The following FAM204A variants were observed in gnomAD, a reference collection of about 807,000 sequenced individuals.
FAM204A encodes the protein family with sequence similarity 204 member A.
A neutral mutation model predicts 35.4 loss-of-function variants in FAM204A; 16 were observed. The ratio of observed to expected loss-of-function variants is 0.45; its 90% CI spans 0.31 to 0.69. The LOEUF is 0.69. Ranked by LOEUF, FAM204A falls within the 30% of genes least tolerant of loss-of-function variation. The pLI is 0.07. For synonymous variants in FAM204A, 76 were observed against 86.9 expected (o/e 0.88, Z 0.70); for missense variants, 240 against 265.7 (o/e 0.90, Z 0.67).
At position 118,303,985 on chromosome 10, in the gene FAM204A, C is replaced by T. The variant is rs1285241430; in HGVS notation, c.*6872G>A. The T allele has an allele frequency of 6.6e-6, 1 of 152,172 alleles. No homozygotes were observed. The highest frequency in any genetic ancestry group is 2.4e-5 in the African/African-American group (1 of 41,440). 9.4% of individuals were successfully genotyped at this position (152,172 alleles called of 1,614,324 possible). ...TGCATACTTTTACAAATCACCTCCA[C>T]AAGAGATCTGAGGCACTGTTTCTAG... On this transcript the variant is annotated 3_prime_UTR_variant, in exon 9 of 9. Transcript: ENST00000369183.
rs189220858 is a variant in FAM204A, at chr10:118,308,557, A to T, written c.*2300T>A. On this transcript the variant is annotated 3_prime_UTR_variant, in exon 9 of 9. Coordinates refer to ENST00000369183, the MANE Select transcript of FAM204A (RefSeq NM_022063.3). ...CCTCCAACCCCTTCTTCTGCTACAC[A>T]TAACGTTTTAGAGCTTTCCACAACC... 6.6e-6 allele frequency: 1 copy of T among 152,220 alleles called. No homozygotes were observed. Among genetic ancestry groups the T allele is most frequent in the East Asian group, 1.9e-4 (1 of 5,204 alleles). 9.4% of individuals were successfully genotyped at this position (152,220 alleles called of 1,614,324 possible).
At position 118,335,124 on chromosome 10, in the gene FAM204A, T is replaced by G; in HGVS notation, c.443A>C (p.Lys148Thr). 6.2e-7 allele frequency: 1 copy of G among 1,611,346 alleles called. No homozygotes were observed. The highest frequency in any genetic ancestry group is 8.5e-7 in the Non-Finnish European group (1 of 1,178,192). ...TAACAAAGATATTACCTTCTCAACTTTTTTCCTTTTAACAGGCGGGTCAAA... is the reference window on the plus strand; with the variant it reads ...TAACAAAGATATTACCTTCTCAACTGTTTTCCTTTTAACAGGCGGGTCAAA... ...DRFDPPVKRK[K>T]VEKSGLEKRI... Residue 148 changes from lysine to threonine, a missense_variant, in exon 6 of 9, where the codon AAA becomes ACA. Lys to Thr is a moderately conservative substitution (Grantham distance 78). This residue lies in a region of FAM204A where 232 missense variants were observed against 242.8 expected (regional missense o/e 0.96). Transcript: ENST00000369183.
chr10:118,331,523 T>C (rs1248300073), intron 6 of FAM204A, among the ~76,000 whole-genome samples: 1 of 152,206 alleles, frequency 6.6e-6, no homozygotes, highest in Non-Finnish European at 1.5e-5. Context: ...AAGAAATGTA[T>C]GGGTACTTGG....
At chr10:118,340,965 G>A (rs1589733512) in intron 2 of FAM204A, among the ~76,000 whole-genome samples, 8 of 152,312 alleles carry the variant, frequency 5.3e-5, no homozygotes, top group Admixed American at 3.9e-4. Flanking sequence ...AAGGATTTGC[G>A]ACTGGGGCTG....
At chr10:118,321,202 T>C (rs1449365177) in intron 7 of FAM204A, among the ~76,000 whole-genome samples, 1 of 151,738 alleles carries the variant, frequency 6.6e-6, no homozygotes, top group Non-Finnish European at 1.5e-5. Context: ...CACATATACA[T>C]TTAATTCATA....
At chr10:118,321,442 AC>A (rs1846113678) in intron 7 of FAM204A, among the ~76,000 whole-genome samples, 1 of 152,062 alleles carries the variant, frequency 6.6e-6, no homozygotes, top group Non-Finnish European at 1.5e-5. Context: ...TTTTCCACTT[AC>A]ACAGGGCAAA....
chr10:118,324,137 TTA>T (rs1446557825), intron 7 of FAM204A, among the ~76,000 whole-genome samples: 1 of 152,138 alleles, frequency 6.6e-6, no homozygotes, highest in Non-Finnish European at 1.5e-5. Flanking sequence ...TAAAATGCTG[TTA>T]TACACAATGA....
At chr10:118,327,978 A>G (rs1327172033) in intron 6 of FAM204A, among the ~76,000 whole-genome samples, 14 of 152,166 alleles carry the variant, frequency 9.2e-5, no homozygotes, top group Admixed American at 8.5e-4. Flanking sequence ...AACAACAACA[A>G]AACAGTTTTG....
At chr10:118,338,939 A>G (rs574267992) in intron 2 of FAM204A, among the ~76,000 whole-genome samples, 68 of 152,326 alleles carry the variant, frequency 4.5e-4, no homozygotes, top group African/African-American at 1.5e-3. Flanking sequence ...TCAAAATTAT[A>G]TATTTTTAGC....
rs1846358811 is a variant in FAM204A, at chr10:118,335,167, A to T, written c.400T>A (p.Phe134Ile). 1 of 1,613,420 alleles carries T rather than the reference A, an allele frequency of 6.2e-7. No homozygotes were observed. The highest frequency in any genetic ancestry group is 8.5e-7 in the Non-Finnish European group (1 of 1,179,800). ...GGGTCAAATCTATCATTGACTCCAA[A>T]ATACTGAGTAAGCTCTTTCCACTGG... Reference protein sequence around the residue: ...ETQWKELTQYFGVNDRFDPPV... With the variant: ...ETQWKELTQYIGVNDRFDPPV... The change falls in exon 6 of 9, where the codon TTT (phenylalanine) becomes ATT (isoleucine). Residue 134 changes from phenylalanine to isoleucine, a missense_variant. Coordinates refer to ENST00000369183, the MANE Select transcript of FAM204A (RefSeq NM_022063.3).
intron 7 of FAM204A, among the ~76,000 whole-genome samples, chr10:118,312,834 G>C (rs1193228683): frequency 6.6e-6 from 1 of 152,160 alleles, no homozygotes; most frequent in Non-Finnish European, 1.5e-5. Context: ...GCATAATTTT[G>C]CCAGGCACTG....
chr10:118,326,079 A>C, intron 7 of FAM204A, 75 bp downstream of exon 7: 2 of 1,116,974 alleles, frequency 1.8e-6, no homozygotes, highest in Non-Finnish European at 2.6e-6. Flanking sequence ...TGAACTTATT[A>C]ATGATCATAA....
intron 7 of FAM204A, among the ~76,000 whole-genome samples, chr10:118,325,745 AAC>A (rs1453501180): frequency 2.0e-5 from 3 of 152,304 alleles, no homozygotes; most frequent in Non-Finnish European, 4.4e-5. Context: ...GTGCTGAGCA[AAC>A]AGTAAGAAAG....
In FAM204A at chr10:118,337,349, G is replaced by A. The variant is rs190245316; in HGVS notation, c.-8-926C>T. 882 of 471,672 alleles carry A rather than the reference G, an allele frequency of 1.9e-3. 1 individual carries two copies. The highest frequency in any genetic ancestry group is 2.3e-3 in the Non-Finnish European group (834 of 360,602). The allele number at this position is 471,672 out of a possible 1,614,324, so 29.2% of individuals were successfully genotyped here. A position where few individuals can be genotyped will look rare whatever the true frequency, so the allele number is the denominator to read the frequency against. On this transcript the variant is annotated intron_variant, in intron 2 of 8. Transcript: ENST00000369183. Reference sequence around the variant, plus strand: ...GCTCATGATTTACTATCAATATGAAGGAATAAAATGGAAGGACGGAAATTT... The same window carrying A: ...GCTCATGATTTACTATCAATATGAAAGAATAAAATGGAAGGACGGAAATTT...
chr10:118,342,047 G>A (rs1266011138), intron 1 of FAM204A, 120 bp from the exon 2 acceptor site: 1 of 152,344 alleles, frequency 6.6e-6, no homozygotes, highest in Non-Finnish European at 1.5e-5. Flanking sequence ...AACAGGCTGG[G>A]GAGGCCGCTG....
At position 118,311,007 on chromosome 10, in the gene FAM204A, T is replaced by G; in HGVS notation, c.651-99A>C. 3 of 1,197,678 alleles carry G rather than the reference T, an allele frequency of 2.5e-6. No individual in the cohort carries two copies. The Admixed American group carries it at 7.3e-5, about 29-fold the overall frequency. 74.2% of individuals were successfully genotyped at this position (1,197,678 alleles called of 1,614,324 possible). Reference sequence around the variant, plus strand: ...AGACCAAAGCAAAACAAACAAAAATTTTTCACATACTCCAATGATTACAAA... The same window carrying G: ...AGACCAAAGCAAAACAAACAAAAATGTTTCACATACTCCAATGATTACAAA... On this transcript the variant is annotated intron_variant, in intron 8 of 8. Coordinates refer to ENST00000369183, the MANE Select transcript of FAM204A (RefSeq NM_022063.3).
In FAM204A at chr10:118,310,096, T is replaced by G. The variant is rs1189297201; in HGVS notation, c.*761A>C. On this transcript the variant is annotated 3_prime_UTR_variant, in exon 9 of 9. Coordinates refer to ENST00000369183, the MANE Select transcript of FAM204A (RefSeq NM_022063.3). ...AAAGATAATATCAACTGAGACTTTTTGGTACTTACGACTAATCCATTATAA... is the reference window on the plus strand; with the variant it reads ...AAAGATAATATCAACTGAGACTTTTGGGTACTTACGACTAATCCATTATAA... 6.6e-6 allele frequency: 1 copy of G among 152,168 alleles called. No individual in the cohort carries two copies. The allele number at this position is 152,168 out of a possible 1,614,324, so 9.4% of individuals were successfully genotyped here.
chr10:118,331,731 ATATC>A (rs749393688), intron 6 of FAM204A, among the ~76,000 whole-genome samples: 5 of 151,954 alleles, frequency 3.3e-5, no homozygotes, highest in Non-Finnish European at 7.4e-5. Flanking sequence ...CTGAACCTAA[ATATC>A]TAGGAAAAAA....
chr10:118,325,400 G>A (rs1382208675), intron 7 of FAM204A, among the ~76,000 whole-genome samples: 2 of 151,792 alleles, frequency 1.3e-5, no homozygotes, highest in East Asian at 1.9e-4. Context: ...TCTACGTAAC[G>A]AAACACTATG....
Sources: allele counts gnomAD v4.1 joint callset (sites outside exome capture counted in the v4.1 genomes callset), GRCh38; gene constraint gnomAD v4.1.1; regional missense constraint gnomAD v4.1.1; transcripts MANE v1.5; gene names NCBI Gene and HGNC (gene_info 2026-07-23, HGNC 2026-07-21).